The following GRB10 variants were observed in gnomAD, a reference collection of about 807,000 sequenced individuals.
GRB10 encodes growth factor receptor bound protein 10, also known as growth factor receptor-bound protein 10.
In GRB10, 20 loss-of-function variants were observed where a neutral mutation model predicts 80.9. That is an observed-to-expected ratio of 0.25 (90% CI 0.17 to 0.36). The LOEUF (loss-of-function observed/expected upper bound fraction) is 0.36. Ranked by LOEUF, GRB10 falls within the 10% of genes least tolerant of loss-of-function variation. GRB10 has a pLI of 1.00. For synonymous variants in GRB10, 291 were observed against 291.5 expected (o/e 1.00, Z 0.02); for missense variants, 548 against 747.7 (o/e 0.73, Z 3.12).
exon 1 of GRB10, chr7:50,793,400 C>G (rs1166714802): frequency 6.7e-6 from 1 of 148,810 alleles, no homozygotes; most frequent in Non-Finnish European, 1.5e-5. Context: ...TCCACCGGGT[C>G]TCCGAGCGCC....
At chr7:50,757,270 T>G (rs1050090493) in intron 2 of GRB10, among the ~76,000 whole-genome samples, 2 of 152,202 alleles carry the variant, frequency 1.3e-5, no homozygotes, top group Non-Finnish European at 2.9e-5. Flanking sequence ...AGCATGAAAA[T>G]AGTATCTCTC....
chr7:50,683,583 A>G (rs2061771926), intron 5 of GRB10, among the ~76,000 whole-genome samples: 1 of 152,084 alleles, frequency 6.6e-6, no homozygotes, highest in African/African-American at 2.4e-5. Context: ...TTAAAAATAC[A>G]AAAATTAGCC....
chr7:50,732,479 T>C (rs2153692704), intron 3 of GRB10, 111 bp from the exon 4 acceptor site: 2 of 707,182 alleles, frequency 2.8e-6, no homozygotes. Context: ...TGGTCTTAGC[T>C]TGTAGGTTCA....
At chr7:50,777,682 T>A (rs1205515883) in intron 2 of GRB10, among the ~76,000 whole-genome samples, 1 of 152,024 alleles carries the variant, frequency 6.6e-6, no homozygotes, top group Non-Finnish European at 1.5e-5. Context: ...CCATTAATGA[T>A]AGACTGGATA....
Position 50,703,872 on chromosome 7 carries a change from G to C in GRB10, c.88C>G (p.Pro30Ala). 1 of 1,613,356 alleles carries C rather than the reference G, an allele frequency of 6.2e-7. No individual in the cohort carries two copies. Among genetic ancestry groups the C allele is most frequent in the Non-Finnish European group, 8.5e-7 (1 of 1,179,548 alleles). Reference sequence around the variant, plus strand: ...TGTGCGGGGAGTCCTGGTCCTGCCGGGTCTTGTTGACTGCGAGGTGTCTGC... The same window carrying C: ...TGTGCGGGGAGTCCTGGTCCTGCCGCGTCTTGTTGACTGCGAGGTGTCTGC... ...VEQTPRSQQD[P>A]AGPGLPAQSD... The change falls in exon 5 of 19, where the codon CCG becomes GCG. Residue 30 changes from proline (P) to alanine (A), a missense_variant. Transcript: ENST00000401949.
intron 17 of GRB10, among the ~76,000 whole-genome samples, chr7:50,603,320 G>C (rs1159907912): frequency 6.6e-6 from 1 of 152,204 alleles, no homozygotes; most frequent in Non-Finnish European, 1.5e-5. Context: ...TTCAAGTGTG[G>C]TCTTGGGATT....
chr7:50,594,860 G>T (rs932459814), intron 18 of GRB10, among the ~76,000 whole-genome samples: 2 of 152,104 alleles, frequency 1.3e-5, no homozygotes, highest in African/African-American at 2.4e-5. Context: ...AAGGGAGAAT[G>T]GTCTTTAGAT....
At chr7:50,710,972 T>C (rs1197051414) in intron 4 of GRB10, 10 of 1,425,158 alleles carry the variant, frequency 7.0e-6, no homozygotes, top group South Asian at 1.1e-5. Context: ...GCCTGCCCTG[T>C]GCACAATATT....
chr7:50,712,350 A>C (rs1247415282), intron 4 of GRB10, among the ~76,000 whole-genome samples: 2 of 152,238 alleles, frequency 1.3e-5, no homozygotes, highest in Non-Finnish European at 2.9e-5. Context: ...AAACAAAAAC[A>C]AGAGCTGCTT....
intron 2 of GRB10, among the ~76,000 whole-genome samples, chr7:50,778,120 G>A (rs970849823): frequency 2.0e-5 from 3 of 152,164 alleles, no homozygotes; most frequent in South Asian, 4.2e-4. Context: ...GCACAAGAGG[G>A]GTTCTAACTC....
intron 5 of GRB10, among the ~76,000 whole-genome samples, chr7:50,678,132 T>C (rs981321065): frequency 6.6e-6 from 1 of 152,210 alleles, no homozygotes; most frequent in African/African-American, 2.4e-5. Flanking sequence ...AAGCCTTCTG[T>C]CAGTCAACCA....
intron 3 of GRB10, among the ~76,000 whole-genome samples, chr7:50,740,284 G>A (rs967776537): frequency 6.6e-6 from 1 of 152,038 alleles, no homozygotes; most frequent in African/African-American, 2.4e-5. Context: ...CTTCTCCATG[G>A]CAACAACCAC....
chr7:50,792,882 T>C (rs983333909), intron 1 of GRB10: 21 of 148,240 alleles, frequency 1.4e-4, no homozygotes, highest in African/African-American at 4.4e-4. Flanking sequence ...TCTGACAAGA[T>C]GGTTCAAGAA....
chr7:50,622,992 A>T (rs1286401829), intron 8 of GRB10, among the ~76,000 whole-genome samples: 1 of 152,190 alleles, frequency 6.6e-6, no homozygotes, highest in African/African-American at 2.4e-5. Context: ...TTTACTTGAT[A>T]TGTCTGCAGG....
At chr7:50,789,702 G>A (rs916533537) in intron 1 of GRB10, among the ~76,000 whole-genome samples, 5 of 152,130 alleles carry the variant, frequency 3.3e-5, no homozygotes, top group Non-Finnish European at 7.3e-5. Context: ...AATCTCCCCA[G>A]AAATCCATAT....
chr7:50,784,771 G>A (rs1387177631), upstream of GRB10, among the ~76,000 whole-genome samples: 1 of 152,242 alleles, frequency 6.6e-6, no homozygotes, highest in Non-Finnish European at 1.5e-5. Context: ...AAAGGCAAAA[G>A]AGATGAAGGC....
intron 13 of GRB10, among the ~76,000 whole-genome samples, chr7:50,611,806 G>A (rs185220001): frequency 3.3e-4 from 51 of 152,256 alleles, no homozygotes; most frequent in Admixed American, 2.6e-3. Flanking sequence ...ACAGTTCAAC[G>A]AAGGCTGGGA....
At chr7:50,761,492 G>T (rs1434493624) in intron 2 of GRB10, among the ~76,000 whole-genome samples, 1 of 152,092 alleles carries the variant, frequency 6.6e-6, no homozygotes, top group African/African-American at 2.4e-5. Context: ...CCCTTAACCT[G>T]ATAAAAAGCA....
At chr7:50,598,790 A>G (rs1156507587) in intron 17 of GRB10, among the ~76,000 whole-genome samples, 1 of 152,200 alleles carries the variant, frequency 6.6e-6, no homozygotes, top group Non-Finnish European at 1.5e-5. Flanking sequence ...GGTTGGGAGA[A>G]GGGAAAGCTT....
Sources: gnomAD v4.1 joint callset for allele counts (sites outside exome capture counted in the v4.1 genomes callset) on GRCh38, gnomAD v4.1.1 for gene constraint, MANE v1.5 for transcripts, NCBI Gene and HGNC (gene_info 2026-07-23, HGNC 2026-07-21) for gene names.